Variants in ZFP37 observed in about 807,000 individuals in gnomAD.
ZFP37 encodes zinc finger protein 37 homolog.
ZFP37 carries 38 observed loss-of-function variants against 52.1 expected under a neutral mutation model. The ratio of observed to expected loss-of-function variants is 0.73; its 90% CI spans 0.56 to 0.96. ZFP37 has a LOEUF of 0.96. ZFP37 is among the 40% of genes least tolerant of loss of function. The pLI is 0.00. For synonymous variants in ZFP37, 253 were observed against 259.5 expected, an observed-to-expected ratio of 0.98 and a Z score of 0.24; for missense variants, 695 against 741.4, an observed-to-expected ratio of 0.94 and a Z score of 0.73.
rs1828912979 is a variant in ZFP37, at chr9:113,044,207, C to T, written c.411G>A (p.Arg137=). The change falls in exon 4 of 4, where the codon AGG becomes AGA. Residue 137 remains arginine (R), a synonymous_variant. Transcript: ENST00000374227. ...NIQKSQNKLL[R]EVAVKKKTQA... is the part of the protein sequence containing the mutation. ...GAGTTTTCTTCTTGACTGCAACTTC[C>T]CTGAGGAGTTTGTTTTGAGATTTCT... 4.4e-6 allele frequency: 7 copies of T among 1,588,740 alleles called. No individual in the cohort carries two copies. Among genetic ancestry groups the T allele is most frequent in the South Asian group, 3.5e-5 (3 of 85,414 alleles).
At chr9:113,045,587 T>C (rs2118694519) in intron 3 of ZFP37, among the ~76,000 whole-genome samples, 1 of 152,352 alleles carries the variant, frequency 6.6e-6, no homozygotes, top group South Asian at 2.1e-4. Context: ...AGATGTCTTC[T>C]TAATCCCTGC....
rs1286321332 is a variant in ZFP37 at position 113,040,719 on chromosome 9, A to G, written c.*2006T>C. 1 of 152,218 alleles carries G rather than the reference A, an allele frequency of 6.6e-6. No individual in the cohort carries two copies. Among genetic ancestry groups the G allele is most frequent in the Non-Finnish European group, 1.5e-5 (1 of 68,034 alleles). The allele number at this position is 152,218 out of a possible 1,614,324, so 9.4% of individuals were successfully genotyped here. On this transcript the variant is annotated 3_prime_UTR_variant, in exon 4 of 4. Coordinates refer to ENST00000374227, the MANE Select transcript of ZFP37 (RefSeq NM_003408.3). ...ACTCAACAGGATTGAACATGACTAGACAAGTCCCGATTACTGCTCATATGT... is the reference window on the plus strand; with the variant it reads ...ACTCAACAGGATTGAACATGACTAGGCAAGTCCCGATTACTGCTCATATGT...
chr9:113,049,290 G>T, intron 3 of ZFP37, 72 bp downstream of exon 3: 1 of 1,501,026 alleles, frequency 6.7e-7, no homozygotes. Flanking sequence ...AGTTAAGAAA[G>T]AAAGGTCTAG....
At chr9:113,050,009 AC>A (rs1383947339) in intron 1 of ZFP37, 137 bp from the exon 2 acceptor site, 2 of 1,353,126 alleles carry the variant, frequency 1.5e-6, no homozygotes, top group African/African-American at 2.9e-5. Context: ...TTGACTACTC[AC>A]TGTTGATCAT....
rs1341487964 is a variant in ZFP37, at chr9:113,052,376, A to G, written c.133-2504T>C. On this transcript the variant is annotated intron_variant, in intron 1 of 3. Transcript: ENST00000374227. This position sits in a 1 kb window ranked among gnomAD's most constrained non-coding sequence, Gnocchi z 4.1. ...TTCCTTCAAAATTCATAGCTTATTT[A>G]TAGTATCACCAGGTTTTCAGCCATT... is the stretch of plus-strand genomic sequence containing the variant. Among the ~76,000 whole-genome samples the G allele has an allele frequency of 6.6e-6, 1 of 152,184 alleles. No individual in the cohort carries two copies. The highest frequency in any genetic ancestry group is 2.4e-5 in the African/African-American group (1 of 41,446).
At chr9:113,054,124 T>C (rs754054797) in intron 1 of ZFP37, among the ~76,000 whole-genome samples, 1 of 152,110 alleles carries the variant, frequency 6.6e-6, no homozygotes, top group Non-Finnish European at 1.5e-5. Flanking sequence ...AATAAAAGAG[T>C]TCTAATCAAT....
intron 1 of ZFP37, among the ~76,000 whole-genome samples, chr9:113,054,204 C>T (rs752399384): frequency 3.3e-5 from 5 of 152,292 alleles, no homozygotes; most frequent in Middle Eastern, 3.4e-3. Context: ...GACTCAAAAG[C>T]ATATATGACA....
rs1829013454 is a variant in ZFP37, at chr9:113,049,259, T to C, written c.349+103A>G. 6 of 1,300,440 alleles carry C rather than the reference T, an allele frequency of 4.6e-6. No homozygotes were observed. The South Asian group carries it at 7.3e-5, about 16-fold the overall frequency. The allele number at this position is 1,300,440 out of a possible 1,614,324, so 80.6% of individuals were successfully genotyped here. On this transcript the variant is annotated intron_variant, in intron 3 of 3. Transcript: ENST00000374227. ...ATATTCTTTCCTCAGGAAATCCTGA[T>C]TTTTTCTATTGCTATTTTCTAGTTA... is the stretch of plus-strand genomic sequence containing the variant.
chr9:113,047,640 G>C (rs989546154), intron 3 of ZFP37, among the ~76,000 whole-genome samples: 3 of 152,090 alleles, frequency 2.0e-5, no homozygotes, highest in African/African-American at 7.2e-5. Context: ...ATTTACCTAA[G>C]AATTGGAAAA....
rs1222769158 is a variant in ZFP37, at chr9:113,040,703, G to A, written c.*2022C>T. 6.6e-6 allele frequency: 1 copy of A among 152,116 alleles called. No individual in the cohort carries two copies. Among genetic ancestry groups the A allele is most frequent in the African/African-American group, 2.4e-5 (1 of 41,406 alleles). 9.4% of individuals were successfully genotyped at this position (152,116 alleles called of 1,614,324 possible). ...TCTAGGTGAAATATTTACTCAACAG[G>A]ATTGAACATGACTAGACAAGTCCCG... is the stretch of plus-strand genomic sequence containing the variant. On this transcript the variant is annotated 3_prime_UTR_variant, in exon 4 of 4. Transcript: ENST00000374227.
intron 3 of ZFP37, among the ~76,000 whole-genome samples, chr9:113,044,763 T>C (rs1319590027): frequency 6.6e-6 from 1 of 152,152 alleles, no homozygotes; most frequent in Non-Finnish European, 1.5e-5. Context: ...TTCTAACAAA[T>C]TTGACTCCAG....
intron 1 of ZFP37, among the ~76,000 whole-genome samples, chr9:113,055,837 C>A (rs1428594062): frequency 6.6e-6 from 1 of 152,168 alleles, no homozygotes; most frequent in Non-Finnish European, 1.5e-5. Context: ...GATCTTCAAT[C>A]ATTAATTCCT....
chr9:113,040,616 A>G lies in ZFP37; in HGVS notation c.*2109T>C, dbSNP rs1828830219. On this transcript the variant is annotated 3_prime_UTR_variant, in exon 4 of 4. Transcript: ENST00000374227. ...GAAGGAAGGAGCTTGAATGATAAAT[A>G]TTTGTAAAGATGGCATTTAAGCACA... is the stretch of plus-strand genomic sequence containing the variant. 6.6e-6 allele frequency: 1 copy of G among 152,204 alleles called. No homozygotes were observed. The highest frequency in any genetic ancestry group is 2.1e-4 in the South Asian group (1 of 4,830). 9.4% of individuals were successfully genotyped at this position (152,204 alleles called of 1,614,324 possible).
Position 113,056,417 on chromosome 9 carries a change from A to G in ZFP37, c.132+140T>C, listed in dbSNP as rs111380635. On this transcript the variant is annotated intron_variant, in intron 1 of 3. Coordinates refer to ENST00000374227, the MANE Select transcript of ZFP37 (RefSeq NM_003408.3). ...ATCATTAACCCCACAGATAACTCAG[A>G]ACACCGACCTCCCAAAAGACCATCT... is the stretch of plus-strand genomic sequence containing the variant. 1,984 of 1,405,512 alleles carry G rather than the reference A, an allele frequency of 1.4e-3. 24 individuals are homozygous for G. In the African/African-American group the frequency reaches 0.025, roughly 18 times the overall value. 87.1% of individuals were successfully genotyped at this position (1,405,512 alleles called of 1,614,324 possible).
intron 1 of ZFP37, 109 bp from the exon 2 acceptor site, chr9:113,049,981 T>C (rs1304243957): frequency 6.5e-7 from 1 of 1,540,284 alleles, no homozygotes; most frequent in East Asian, 2.3e-5. Context: ...TTGGACAAGA[T>C]AATAATTTGT....
In ZFP37 at chr9:113,038,759, TG is replaced by T. The variant is rs1411840217; in HGVS notation, c.*3965del. 6 of 152,068 alleles carry T rather than the reference TG, an allele frequency of 3.9e-5. No individual in the cohort carries two copies. The highest frequency in any genetic ancestry group is 1.4e-4 in the African/African-American group (6 of 41,422). The allele number at this position is 152,068 out of a possible 1,614,324, so 9.4% of individuals were successfully genotyped here. ...GATTGCACTACTGCACACTCCAGTC[TG>T]GGTGACAGAGACTTTGTCTCAAAAC... On this transcript the variant is annotated 3_prime_UTR_variant, in exon 4 of 4. Transcript: ENST00000374227.
At chr9:113,044,335 TAAAGA>T in intron 3 of ZFP37, 67 bp from the exon 4 acceptor site, 1 of 1,414,904 alleles carries the variant, frequency 7.1e-7, no homozygotes, top group Non-Finnish European at 9.4e-7. Context: ...ATAAAACTGG[TAAAGA>T]AATGACCTGT....
In ZFP37 at chr9:113,052,766, T is replaced by C. The variant is rs967610592; in HGVS notation, c.133-2894A>G. On this transcript the variant is annotated intron_variant, in intron 1 of 3. Coordinates refer to ENST00000374227, the MANE Select transcript of ZFP37 (RefSeq NM_003408.3). The surrounding 1 kb of genome is among the most constrained non-coding windows in gnomAD (Gnocchi z 4.1). ...AGCAGGTGTTCAGCATAAACCACACTGTGTATTCTTTAAGCACTCGGAACT... is the reference window on the plus strand; with the variant it reads ...AGCAGGTGTTCAGCATAAACCACACCGTGTATTCTTTAAGCACTCGGAACT... 2.6e-5 allele frequency among the ~76,000 whole-genome samples: 4 copies of C among 152,170 alleles called. No homozygotes were observed. The highest frequency in any genetic ancestry group is 9.7e-5 in the African/African-American group (4 of 41,448).
chr9:113,056,675 C>T lies in ZFP37; in HGVS notation c.14G>A (p.Ser5Asn), dbSNP rs1829153592. 4.3e-6 allele frequency: 7 copies of T among 1,613,042 alleles called. No homozygotes were observed. In the East Asian group the frequency reaches 1.3e-4, roughly 31 times the overall value. The change falls in exon 1 of 4, where the codon AGC (serine) becomes AAC (asparagine). Residue 5 changes from serine to asparagine, a missense_variant. This residue lies in a region of ZFP37 where 369 missense variants were observed against 340.9 expected (regional missense o/e 1.08). Transcript: ENST00000374227. MSVS[S>N]GVQILTKPET... is the part of the protein sequence containing the mutation. Reference sequence around the variant, plus strand: ...TGGCTTTGTCAGAATCTGGACGCCGCTGGAGACCGACATGGCGGCTACCCG... The same window carrying T: ...TGGCTTTGTCAGAATCTGGACGCCGTTGGAGACCGACATGGCGGCTACCCG...
Sources: gnomAD v4.1 joint callset for allele counts (sites outside exome capture counted in the v4.1 genomes callset) on GRCh38, gnomAD v4.1.1 for gene constraint, gnomAD v4.1.1 regional missense constraint, Gnocchi (gnomAD v3.1) non-coding constraint, MANE v1.5 for transcripts, NCBI Gene and HGNC (gene_info 2026-07-23, HGNC 2026-07-21) for gene names.